The following AGBL1 variants were observed in gnomAD, a reference collection of about 807,000 sequenced individuals.
AGBL1 encodes the protein cytosolic carboxypeptidase 4.
AGBL1 carries 130 observed loss-of-function variants against 118.9 expected under a neutral mutation model. The observed-to-expected ratio is 1.09, with a 90% CI of 0.95 to 1.26. The LOEUF (loss-of-function observed/expected upper bound fraction) is 1.26, where lower values mean the gene tolerates loss of function less well. Ranked by LOEUF, AGBL1 falls within the 50% of genes most tolerant of loss-of-function variation. The pLI is 0.00. For missense variants in AGBL1, 1,584 were observed against 1,298.1 expected, an observed-to-expected ratio of 1.22 and a Z score of -3.38; for synonymous variants, 555 against 478.9, an observed-to-expected ratio of 1.16 and a Z score of -2.08.
At chr15:86,990,321 C>T (rs991255810) in intron 24 of AGBL1, among the ~76,000 whole-genome samples, 1 of 152,084 alleles carries the variant, frequency 6.6e-6, no homozygotes. Context: ...TCAAGACCAG[C>T]CTGACCAACA....
At chr15:86,379,006 T>G (rs144557170) in intron 17 of AGBL1, among the ~76,000 whole-genome samples, 2 of 151,944 alleles carry the variant, frequency 1.3e-5, no homozygotes, top group African/African-American at 4.8e-5. Context: ...TCCACCTCCT[T>G]AGGTAAAGCA....
chr15:86,468,222 AG>A (rs1263489966), intron 18 of AGBL1, among the ~76,000 whole-genome samples: 3 of 152,322 alleles, frequency 2.0e-5, no homozygotes, highest in Middle Eastern at 3.4e-3. Context: ...AGCATTAGAC[AG>A]GCATTCAAGT....
chr15:86,202,805 G>A (rs1227908168), intron 5 of AGBL1, among the ~76,000 whole-genome samples: 1 of 152,200 alleles, frequency 6.6e-6, no homozygotes, highest in Non-Finnish European at 1.5e-5. Flanking sequence ...AACTGTAGTG[G>A]CTTATCACAG....
intron 21 of AGBL1, among the ~76,000 whole-genome samples, chr15:86,557,715 G>A (rs982780672): frequency 6.6e-6 from 1 of 152,150 alleles, no homozygotes; most frequent in African/African-American, 2.4e-5. Context: ...TCATCGTGGT[G>A]AGTAAGGCCT....
intron 18 of AGBL1, among the ~76,000 whole-genome samples, chr15:86,472,042 G>T (rs1053371384): frequency 6.6e-6 from 1 of 152,176 alleles, no homozygotes; most frequent in Non-Finnish European, 1.5e-5. Context: ...GTGTGATGCA[G>T]CCATGAGCCA....
At chr15:86,357,935 C>G (rs932709346) in intron 17 of AGBL1, among the ~76,000 whole-genome samples, 3 of 152,060 alleles carry the variant, frequency 2.0e-5, no homozygotes, top group African/African-American at 7.2e-5. Context: ...AGGTATGCAA[C>G]ATGATGTTTT....
At chr15:86,684,922 T>A (rs1418430139) in intron 22 of AGBL1, among the ~76,000 whole-genome samples, 1 of 152,150 alleles carries the variant, frequency 6.6e-6, no homozygotes, top group Non-Finnish European at 1.5e-5. Context: ...AGCTTGTATT[T>A]GACTGAATAA....
chr15:86,677,123 G>C (rs1296520604), intron 22 of AGBL1, among the ~76,000 whole-genome samples: 1 of 152,126 alleles, frequency 6.6e-6, no homozygotes, highest in East Asian at 1.9e-4. Flanking sequence ...ACAAAGTGTG[G>C]CTGCACACTG....
At chr15:86,946,016 TC>T (rs1320152241) in intron 23 of AGBL1, among the ~76,000 whole-genome samples, 3 of 152,218 alleles carry the variant, frequency 2.0e-5, no homozygotes, top group African/African-American at 7.2e-5. Context: ...AGTTCCAGAA[TC>T]AGAATTTCTG....
chr15:86,986,169 C>A (rs1002820744), intron 23 of AGBL1, among the ~76,000 whole-genome samples: 5 of 152,306 alleles, frequency 3.3e-5, no homozygotes, highest in Admixed American at 1.3e-4. Context: ...GGTGATCCAC[C>A]CGCCTCGGCC....
chr15:86,402,408 C>T (rs2081462450), intron 18 of AGBL1, among the ~76,000 whole-genome samples: 2 of 152,060 alleles, frequency 1.3e-5, no homozygotes, highest in Non-Finnish European at 2.9e-5. Context: ...CAAACAGTGA[C>T]AGTTTGACTT....
At chr15:86,417,997 CTATAG>C (rs2142019167) in intron 18 of AGBL1, among the ~76,000 whole-genome samples, 1 of 152,248 alleles carries the variant, frequency 6.6e-6, no homozygotes, top group East Asian at 1.9e-4. Flanking sequence ...CTGTATCACT[CTATAG>C]TTGATCTAGA....
chr15:86,679,349 A>G (rs556842807), intron 22 of AGBL1, among the ~76,000 whole-genome samples: 17 of 152,172 alleles, frequency 1.1e-4, no homozygotes, highest in African/African-American at 3.9e-4. Flanking sequence ...TTGTTCATCT[A>G]AAAAATGTGT....
rs1201671068 is a variant in AGBL1 at position 86,769,115 on chromosome 15, G to A, written c.3158+94679G>A. ...CTTGATGGGACCTGTACATGCAATG[G>A]GATACATTACAGGAGAGGAACCCAA... On this transcript the variant is annotated intron_variant, in intron 22 of 22. Transcript: ENST00000614907. 4.0e-5 allele frequency among the ~76,000 whole-genome samples: 6 copies of A among 149,344 alleles called. No individual in the cohort carries two copies. The East Asian group carries it at 1.0e-3, about 25-fold the overall frequency.
Position 86,907,189 on chromosome 15 carries a change from G to A in AGBL1, c.3261G>A (p.Gly1087=), listed in dbSNP as rs187053417. 4.2e-4 allele frequency: 64 copies of A among 152,300 alleles called. No individual in the cohort carries two copies. The highest frequency in any genetic ancestry group is 1.5e-3 in the African/African-American group (63 of 41,548). The allele number at this position is 152,300 out of a possible 1,614,324, so 9.4% of individuals were successfully genotyped here. The change falls in exon 23 of 23, where the codon GGG becomes GGA. Residue 1087 remains glycine, a synonymous_variant. Coordinates refer to ENST00000614907, the MANE Select transcript of AGBL1 (RefSeq NM_001386094.1). ...YSTDNSSDQE[G]SLSELDRRIQ... ...CCGACAACAGCTCAGACCAGGAAGGGAGCTTGTCTGAGCTGGACCGGAGGA... is the reference window on the plus strand; with the variant it reads ...CCGACAACAGCTCAGACCAGGAAGGAAGCTTGTCTGAGCTGGACCGGAGGA...
At chr15:86,189,319 C>T (rs2077680372) in intron 5 of AGBL1, among the ~76,000 whole-genome samples, 2 of 152,182 alleles carry the variant, frequency 1.3e-5, no homozygotes, top group African/African-American at 4.8e-5. Context: ...AGCCTGTAGA[C>T]ACAAAGTGGG....
intron 13 of AGBL1, among the ~76,000 whole-genome samples, chr15:86,269,657 C>A (rs2079126246): frequency 6.6e-6 from 1 of 152,056 alleles, no homozygotes; most frequent in South Asian, 2.1e-4. Flanking sequence ...TATTGTGTAT[C>A]CATAATAGTT....
At chr15:86,813,318 A>G (rs2078817222) in intron 22 of AGBL1, among the ~76,000 whole-genome samples, 1 of 152,136 alleles carries the variant, frequency 6.6e-6, no homozygotes, top group Admixed American at 6.5e-5. Context: ...ATGTCTCTCC[A>G]TTCTCGTTTT....
intron 24 of AGBL1, among the ~76,000 whole-genome samples, chr15:87,005,605 A>G (rs970712457): frequency 1.3e-5 from 2 of 152,088 alleles, no homozygotes; most frequent in Non-Finnish European, 2.9e-5. Flanking sequence ...TCTTTTTTCA[A>G]GGTTTTTAAC....
Sources: allele counts gnomAD v4.1 joint callset (sites outside exome capture counted in the v4.1 genomes callset), GRCh38; gene constraint gnomAD v4.1.1; transcripts MANE v1.5; gene names NCBI Gene and HGNC (gene_info 2026-07-23, HGNC 2026-07-21).